Variants in MTCL2 observed in about 807,000 individuals in gnomAD.
The protein encoded by MTCL2 is microtubule crosslinking factor 2.
chr20:36,816,205 T>C, the MTCL2 span: 2 of 1,613,332 alleles, frequency 1.2e-6, no homozygotes, highest in Admixed American at 1.7e-5. Flanking sequence ...AGCTCCTCCT[T>C]CATGCTGTCA....
chr20:36,794,209 G>A, the MTCL2 span: 28 of 1,547,328 alleles, frequency 1.8e-5, no homozygotes, highest in South Asian at 2.7e-4. The surrounding 1 kb of genome is among the most constrained non-coding windows in gnomAD (Gnocchi z 5.4). Flanking sequence ...CATCAGCCTC[G>A]GCCGACTCTT....
At chr20:36,794,044 C>T in the MTCL2 span, 1 of 1,551,408 alleles carries the variant, frequency 6.4e-7, no homozygotes, top group Non-Finnish European at 8.7e-7. The surrounding 1 kb of genome is among the most constrained non-coding windows in gnomAD (Gnocchi z 5.4). Flanking sequence ...TGGTGATCTC[C>T]TTCATGTCAT....
At chr20:36,804,917 CA>C in the MTCL2 span, 1 of 1,602,758 alleles carries the variant, frequency 6.2e-7, no homozygotes, top group Non-Finnish European at 8.5e-7. Flanking sequence ...AGACAGGAGG[CA>C]AAACCTGAGT....
chr20:36,819,539 G>A, the MTCL2 span, among the ~76,000 whole-genome samples: 1 of 150,178 alleles, frequency 6.7e-6, no homozygotes, highest in Non-Finnish European at 1.5e-5. Flanking sequence ...AGGAGAAAAT[G>A]TGTCTTCTCT....
At chr20:36,815,488 C>T in the MTCL2 span, 1 of 1,589,558 alleles carries the variant, frequency 6.3e-7, no homozygotes, top group African/African-American at 1.3e-5. The surrounding 1 kb of genome is among the most constrained non-coding windows in gnomAD (Gnocchi z 5.3). Flanking sequence ...CCAGGCAGCA[C>T]CTCGGCCTCC....
the MTCL2 span, among the ~76,000 whole-genome samples, chr20:36,828,247 T>G: frequency 6.6e-6 from 1 of 152,144 alleles, no homozygotes; most frequent in South Asian, 2.1e-4. Context: ...GATTCCAGCC[T>G]TTAAGGGACA....
At chr20:36,846,589 G>A in the MTCL2 span, among the ~76,000 whole-genome samples, 2 of 152,154 alleles carry the variant, frequency 1.3e-5, no homozygotes, top group African/African-American at 4.8e-5. Context: ...CTCTTCCACC[G>A]GTTCTCACCA....
chr20:36,804,600 C>G, the MTCL2 span: 2 of 1,191,234 alleles, frequency 1.7e-6, no homozygotes, highest in Non-Finnish European at 2.4e-6. Flanking sequence ...GTCTCTTGCC[C>G]TCTCTGGGCC....
chr20:36,817,960 G>A, the MTCL2 span, among the ~76,000 whole-genome samples: 1 of 152,202 alleles, frequency 6.6e-6, no homozygotes, highest in South Asian at 2.1e-4. Context: ...CTCTCCCAGC[G>A]ACAGCCATTG....
chr20:36,815,491 C>T, the MTCL2 span: 2 of 1,589,792 alleles, frequency 1.3e-6, no homozygotes, highest in Non-Finnish European at 8.6e-7. This position sits in a 1 kb window ranked among gnomAD's most constrained non-coding sequence, Gnocchi z 5.3. Flanking sequence ...GGCAGCACCT[C>T]GGCCTCCCTG....
the MTCL2 span, chr20:36,862,721 G>A: frequency 2.7e-6 from 4 of 1,497,770 alleles, no homozygotes; most frequent in Non-Finnish European, 3.6e-6. Flanking sequence ...TGGGCCCGCA[G>A]TCCAGCATCT....
the MTCL2 span, among the ~76,000 whole-genome samples, chr20:36,786,882 T>A: frequency 6.6e-6 from 1 of 152,330 alleles, no homozygotes; most frequent in East Asian, 1.9e-4. Context: ...TCCATGGTCC[T>A]GCACGCCAAA....
At chr20:36,851,591 T>C in the MTCL2 span, among the ~76,000 whole-genome samples, 2 of 152,354 alleles carry the variant, frequency 1.3e-5, no homozygotes, top group South Asian at 4.1e-4. Flanking sequence ...GCTTGCCTTC[T>C]GCCTCAAGTC....
chr20:36,857,634 G>C, the MTCL2 span, among the ~76,000 whole-genome samples: 1 of 152,272 alleles, frequency 6.6e-6, no homozygotes, highest in Non-Finnish European at 1.5e-5. Context: ...GCTGACTGTG[G>C]TGACCTCCTC....
chr20:36,842,073 C>T, the MTCL2 span, among the ~76,000 whole-genome samples: 7 of 152,284 alleles, frequency 4.6e-5, no homozygotes, highest in Non-Finnish European at 2.9e-5. Context: ...TATGACCTCA[C>T]TTCCTGAAGG....
chr20:36,803,593 T>C, the MTCL2 span, among the ~76,000 whole-genome samples: 3 of 151,774 alleles, frequency 2.0e-5, no homozygotes, highest in Admixed American at 1.3e-4. Flanking sequence ...CTGTGAGATC[T>C]GGAAGAGGGT....
At chr20:36,832,390 A>C in the MTCL2 span, among the ~76,000 whole-genome samples, 1 of 152,138 alleles carries the variant, frequency 6.6e-6, no homozygotes, top group Non-Finnish European at 1.5e-5. Context: ...GTCACAATCC[A>C]TGTGGATTTC....
At chr20:36,783,825 A>G in the MTCL2 span, 1 of 985,420 alleles carries the variant, frequency 1.0e-6, no homozygotes, top group Non-Finnish European at 1.2e-6. Flanking sequence ...CCCCACCCCA[A>G]AAAAGAAAAC....
chr20:36,801,756 A>C, the MTCL2 span, among the ~76,000 whole-genome samples: 11 of 152,076 alleles, frequency 7.2e-5, no homozygotes, highest in African/African-American at 1.9e-4. Context: ...ACCTGAGGTC[A>C]GGAGTTCGAG....
Sources: allele counts gnomAD v4.1 joint callset (sites outside exome capture counted in the v4.1 genomes callset), GRCh38; gene constraint gnomAD v4.1.1; non-coding constraint Gnocchi (gnomAD v3.1); transcripts MANE v1.5; gene names NCBI Gene and HGNC (gene_info 2026-07-23, HGNC 2026-07-21).